The following NFIA variants were observed in gnomAD, a reference collection of about 807,000 sequenced individuals.
NFIA encodes nuclear factor 1 A-type.
NFIA carries 8 observed loss-of-function variants against 62.8 expected under a neutral mutation model. That is an observed-to-expected ratio of 0.13 (90% confidence interval 0.07 to 0.23). The LOEUF (loss-of-function observed/expected upper bound fraction) is 0.23. Ranked by LOEUF, NFIA falls within the 10% of genes least tolerant of loss-of-function variation. The pLI, the probability that NFIA is intolerant of heterozygous loss-of-function variation, is 1.00. For missense variants in NFIA, 410 were observed against 642.1 expected, an observed-to-expected ratio of 0.64 and a Z score of 3.91; for synonymous variants, 235 against 238.1, an observed-to-expected ratio of 0.99 and a Z score of 0.12.
rs117559774 is a variant in NFIA, at chr1:61,272,819, C to T, written c.560-4701C>T. Among the ~76,000 whole-genome samples, 62 of 152,290 alleles carry T rather than the reference C, an allele frequency of 4.1e-4. No homozygotes were observed. The East Asian group carries it at 0.011, about 27-fold the overall frequency. On this transcript the variant is annotated intron_variant, in intron 2 of 10. Transcript: ENST00000403491. ...TTTTATACTACAAACAACTCTAGCTCATGAGAGTGGAATTTTCGCTTTATT... is the reference window on the plus strand; with the variant it reads ...TTTTATACTACAAACAACTCTAGCTTATGAGAGTGGAATTTTCGCTTTATT...
intron 3 of NFIA, among the ~76,000 whole-genome samples, chr1:61,328,254 T>C (rs1391688253): frequency 6.6e-6 from 1 of 152,082 alleles, no homozygotes; most frequent in Non-Finnish European, 1.5e-5. Context: ...TCTTGCTCTT[T>C]CCTGCCTCAG....
chr1:61,425,412 G>C (rs1219259371), intron 9 of NFIA, among the ~76,000 whole-genome samples: 1 of 152,112 alleles, frequency 6.6e-6, no homozygotes, highest in Non-Finnish European at 1.5e-5. Context: ...TTTCTTAGAT[G>C]GTGTTTGTCT....
chr1:61,276,867 A>G (rs1657837913), intron 2 of NFIA, among the ~76,000 whole-genome samples: 1 of 152,192 alleles, frequency 6.6e-6, no homozygotes, highest in Admixed American at 6.5e-5. Flanking sequence ...CTGTTTTTGC[A>G]AACAAGTCCT....
At chr1:61,374,853 T>A (rs1664071267) in intron 6 of NFIA, among the ~76,000 whole-genome samples, 1 of 152,244 alleles carries the variant, frequency 6.6e-6, no homozygotes, top group South Asian at 2.1e-4. Context: ...TAAAACATTT[T>A]TATTGACTGA....
intron 3 of NFIA, among the ~76,000 whole-genome samples, chr1:61,325,682 G>C (rs1274379260): frequency 6.6e-6 from 1 of 152,176 alleles, no homozygotes; most frequent in Non-Finnish European, 1.5e-5. Flanking sequence ...ACTTTGGGAG[G>C]CCAAGGCAGG....
intron 6 of NFIA, among the ~76,000 whole-genome samples, chr1:61,376,510 A>G (rs1664156041): frequency 6.6e-6 from 1 of 152,172 alleles, no homozygotes; most frequent in African/African-American, 2.4e-5. Context: ...CTGATAATTC[A>G]TTCAGTGTGT....
intron 2 of NFIA, among the ~76,000 whole-genome samples, chr1:61,221,227 TTTAA>T (rs1332780152): frequency 1.3e-5 from 2 of 152,094 alleles, no homozygotes; most frequent in Non-Finnish European, 1.5e-5. Flanking sequence ...ACATTCTCTA[TTTAA>T]TAAGATTACT....
intron 2 of NFIA, among the ~76,000 whole-genome samples, chr1:61,217,062 C>CTT (rs36086183): frequency 6.4e-4 from 86 of 135,252 alleles, no homozygotes; most frequent in Non-Finnish European, 1.1e-3. Flanking sequence ...TTTCTTTTTT[C>CTT]TTTTTTTTTT....
chr1:61,353,673 C>G (rs995758476), intron 5 of NFIA, among the ~76,000 whole-genome samples: 1 of 152,092 alleles, frequency 6.6e-6, no homozygotes, highest in African/African-American at 2.4e-5. Context: ...TTTTAAACAT[C>G]ACTACTTTAA....
At chr1:61,423,946 G>C (rs1432662306) in intron 9 of NFIA, among the ~76,000 whole-genome samples, 1 of 151,772 alleles carries the variant, frequency 6.6e-6, no homozygotes, top group Non-Finnish European at 1.5e-5. Flanking sequence ...TTTCACTTGA[G>C]TACTCAAAGA....
intron 2 of NFIA, among the ~76,000 whole-genome samples, chr1:61,255,450 A>G (rs1396888024): frequency 6.6e-6 from 1 of 152,236 alleles, no homozygotes; most frequent in Non-Finnish European, 1.5e-5. Flanking sequence ...ATTATGCGTT[A>G]CTTTCTCCTG....
At chr1:61,187,216 A>G (rs754529195) in intron 2 of NFIA, among the ~76,000 whole-genome samples, 3 of 152,064 alleles carry the variant, frequency 2.0e-5, no homozygotes, top group Non-Finnish European at 4.4e-5. Flanking sequence ...TACGACTGCT[A>G]TTATTATTAT....
chr1:61,163,394 C>T (rs1281560067), intron 2 of NFIA, among the ~76,000 whole-genome samples: 3 of 152,146 alleles, frequency 2.0e-5, no homozygotes, highest in African/African-American at 7.2e-5. Flanking sequence ...TTCTTTGAGA[C>T]TCACTTTATT....
At position 61,165,097 on chromosome 1, in the gene NFIA, GA is replaced by G. The variant is rs1040277832; in HGVS notation, c.559+76421del. Among the ~76,000 whole-genome samples the G allele has an allele frequency of 5.9e-5, 9 of 152,114 alleles. 1 individual carries two copies. Among genetic ancestry groups the G allele is most frequent in the Admixed American group, 2.6e-4 (4 of 15,262 alleles). ...GAACATTGTATAAATTTATTTCTTG[GA>G]AAAGTTTATTTAGAGTTTTAGTGGA... is the stretch of plus-strand genomic sequence containing the variant. On this transcript the variant is annotated intron_variant, in intron 2 of 10. Transcript: ENST00000403491.
chr1:61,380,131 A>G (rs1228243417), intron 6 of NFIA, among the ~76,000 whole-genome samples: 2 of 152,174 alleles, frequency 1.3e-5, no homozygotes, highest in African/African-American at 4.8e-5. Context: ...GGCCTTCTTG[A>G]CATGTTTCTC....
chr1:61,365,207 A>G (rs2100454265), intron 6 of NFIA, among the ~76,000 whole-genome samples: 1 of 152,280 alleles, frequency 6.6e-6, no homozygotes, highest in African/African-American at 2.4e-5. Context: ...AGAAACAAAC[A>G]GAAAAACAGA....
intron 2 of NFIA, among the ~76,000 whole-genome samples, chr1:61,179,997 T>G (rs1208107817): frequency 6.6e-6 from 1 of 152,128 alleles, no homozygotes; most frequent in Non-Finnish European, 1.5e-5. Flanking sequence ...TCAGGACTCT[T>G]TATGCATTAT....
At chr1:61,425,218 AT>A (rs1362912796) in intron 9 of NFIA, among the ~76,000 whole-genome samples, 1 of 152,182 alleles carries the variant, frequency 6.6e-6, no homozygotes, top group South Asian at 2.1e-4. Context: ...TCTGGGCCAG[AT>A]GGTGGAAATT....
intron 3 of NFIA, among the ~76,000 whole-genome samples, chr1:61,300,362 G>A (rs1305490130): frequency 1.3e-5 from 2 of 151,914 alleles, no homozygotes; most frequent in Admixed American, 1.3e-4. Flanking sequence ...TAAGCATATT[G>A]AATTTTTAAA....
Sources: gnomAD v4.1 joint callset for allele counts (sites outside exome capture counted in the v4.1 genomes callset) on GRCh38, gnomAD v4.1.1 for gene constraint, MANE v1.5 for transcripts, NCBI Gene and HGNC (gene_info 2026-07-23, HGNC 2026-07-21) for gene names.